KALRN: variants seen among roughly 807,000 people sequenced by gnomAD.
KALRN encodes the protein kalirin RhoGEF kinase.
A neutral mutation model predicts 353.7 loss-of-function variants in KALRN; 70 were observed. That is an observed-to-expected ratio of 0.20 (90% CI 0.16 to 0.24). The LOEUF is 0.24. Ranked by LOEUF, KALRN falls within the 10% of genes least tolerant of loss-of-function variation. KALRN has a pLI of 1.00. For synonymous variants in KALRN, 1,391 were observed against 1,434.8 expected (o/e 0.97, Z 0.69); for missense variants, 2,791 against 3,756.7 (o/e 0.74, Z 6.72).
chr3:124,604,796 C>G (rs564154366), intron 34 of KALRN, among the ~76,000 whole-genome samples: 33 of 151,978 alleles, frequency 2.2e-4, no homozygotes, highest in African/African-American at 8.0e-4. Context: ...AAGCGATCCT[C>G]TTGTCTCAGC....
chr3:124,558,412 G>A (rs1290513635), intron 33 of KALRN, among the ~76,000 whole-genome samples: 2 of 152,130 alleles, frequency 1.3e-5, no homozygotes, highest in African/African-American at 4.8e-5. Flanking sequence ...TGAGTAGCTG[G>A]GAATACAGGT....
intron 1 of KALRN, chr3:124,164,378 A>G (rs765452268): frequency 1.3e-5 from 2 of 152,252 alleles, no homozygotes; most frequent in African/African-American, 2.4e-5. Flanking sequence ...GTTTGATTCT[A>G]GAATAGAGCT....
At chr3:124,400,807 C>G (rs1197755297) in intron 13 of KALRN, among the ~76,000 whole-genome samples, 1 of 152,118 alleles carries the variant, frequency 6.6e-6, no homozygotes, top group Non-Finnish European at 1.5e-5. Context: ...GAGAATATAT[C>G]CATGGAGAAA....
At chr3:124,439,507 T>A (rs1272716006) in intron 18 of KALRN, among the ~76,000 whole-genome samples, 2 of 152,186 alleles carry the variant, frequency 1.3e-5, no homozygotes, top group Non-Finnish European at 2.9e-5. Flanking sequence ...CTAATTAAAT[T>A]ATTTTTTGAT....
intron 13 of KALRN, among the ~76,000 whole-genome samples, chr3:124,411,209 T>G (rs1362391178): frequency 1.3e-5 from 2 of 151,640 alleles, no homozygotes; most frequent in Non-Finnish European, 2.9e-5. Flanking sequence ...AGGGGAGGGA[T>G]GGATTGGAAG....
At chr3:124,583,578 T>C (rs2074831657) in intron 34 of KALRN, among the ~76,000 whole-genome samples, 1 of 152,166 alleles carries the variant, frequency 6.6e-6, no homozygotes. Flanking sequence ...TAGGCATTCA[T>C]TCACCTGGAA....
intron 1 of KALRN, among the ~76,000 whole-genome samples, chr3:124,047,265 G>A (rs553114375): frequency 1.8e-4 from 27 of 152,210 alleles, no homozygotes; most frequent in African/African-American, 6.5e-4. Context: ...TACTAAGAGG[G>A]CTAATGAAAA....
chr3:124,550,667 G>A (rs2109550588), intron 33 of KALRN, among the ~76,000 whole-genome samples: 1 of 152,044 alleles, frequency 6.6e-6, no homozygotes, highest in Middle Eastern at 3.4e-3. Flanking sequence ...TACTCTTTTT[G>A]TCCCTGGAGA....
intron 1 of KALRN, among the ~76,000 whole-genome samples, chr3:124,071,130 A>G (rs561728323): frequency 3.9e-5 from 6 of 152,134 alleles, no homozygotes; most frequent in Non-Finnish European, 8.8e-5. Flanking sequence ...TGATTAGATG[A>G]CATGGGGGGC....
intron 1 of KALRN, among the ~76,000 whole-genome samples, chr3:124,204,052 T>C (rs1386657287): frequency 6.6e-6 from 1 of 152,206 alleles, no homozygotes; most frequent in African/African-American, 2.4e-5. Context: ...GGAACCAAAC[T>C]TCTGTGTATA....
At chr3:124,335,568 TG>T (rs1163439105) in intron 9 of KALRN, among the ~76,000 whole-genome samples, 1 of 151,970 alleles carries the variant, frequency 6.6e-6, no homozygotes, top group Non-Finnish European at 1.5e-5. Context: ...TATACTAGTG[TG>T]GGGGGAGCTG....
At chr3:124,159,044 C>G (rs550539493) in intron 1 of KALRN, among the ~76,000 whole-genome samples, 1 of 152,296 alleles carries the variant, frequency 6.6e-6, no homozygotes, top group South Asian at 2.1e-4. Flanking sequence ...ACTGATAAAG[C>G]CTGCCCTCTG....
intron 34 of KALRN, among the ~76,000 whole-genome samples, chr3:124,602,043 G>T (rs1193388975): frequency 7.1e-6 from 1 of 140,462 alleles, no homozygotes; most frequent in East Asian, 2.1e-4. Flanking sequence ...AAAAAAAAAA[G>T]AAAAGAAAAA....
chr3:124,485,270 C>G (rs1402230190), intron 28 of KALRN, among the ~76,000 whole-genome samples: 2 of 152,196 alleles, frequency 1.3e-5, no homozygotes, highest in Admixed American at 6.5e-5. Flanking sequence ...CAAACCAATG[C>G]TGACTCAACT....
intron 1 of KALRN, among the ~76,000 whole-genome samples, chr3:124,088,484 T>C (rs998724759): frequency 2.0e-5 from 3 of 152,224 alleles, no homozygotes; most frequent in African/African-American, 7.2e-5. Context: ...GTGACTTGAC[T>C]TTAACTCTGG....
chr3:124,638,990 C>T (rs1037193774), intron 37 of KALRN, among the ~76,000 whole-genome samples: 1 of 152,220 alleles, frequency 6.6e-6, no homozygotes, highest in Non-Finnish European at 1.5e-5. Context: ...CTGGCCTATA[C>T]ATAAAGTCCA....
At chr3:124,268,233 A>C (rs560249620) in intron 4 of KALRN, among the ~76,000 whole-genome samples, 2 of 152,284 alleles carry the variant, frequency 1.3e-5, no homozygotes, top group South Asian at 4.2e-4. Flanking sequence ...TCTGTTCACC[A>C]TACCACAGAA....
At chr3:124,683,093 G>T (rs1176585491) in intron 51 of KALRN, among the ~76,000 whole-genome samples, 1 of 152,012 alleles carries the variant, frequency 6.6e-6, no homozygotes, top group Non-Finnish European at 1.5e-5. Context: ...GGGGTGAAAG[G>T]GGGGCATCAT....
At chr3:124,634,215 G>T (rs761583068) in intron 36 of KALRN, among the ~76,000 whole-genome samples, 3 of 151,936 alleles carry the variant, frequency 2.0e-5, no homozygotes, top group Non-Finnish European at 4.4e-5. Flanking sequence ...GTTGATAAAG[G>T]GTAATGGCTC....
Sources: gnomAD v4.1 joint callset for allele counts (sites outside exome capture counted in the v4.1 genomes callset) on GRCh38, gnomAD v4.1.1 for gene constraint, MANE v1.5 for transcripts, NCBI Gene and HGNC (gene_info 2026-07-23, HGNC 2026-07-21) for gene names.